Variants in PPARGC1A observed in about 807,000 individuals in gnomAD.
PPARGC1A encodes the protein peroxisome proliferator-activated receptor gamma coactivator 1-alpha.
A neutral mutation model predicts 88.7 loss-of-function variants in PPARGC1A; 25 were observed. The observed-to-expected ratio is 0.28, with a 90% CI of 0.21 to 0.39. The LOEUF (loss-of-function observed/expected upper bound fraction) is 0.39, where lower values mean the gene tolerates loss of function less well. Ranked by LOEUF, PPARGC1A falls within the 10% of genes least tolerant of loss-of-function variation. The pLI is 1.00. For synonymous variants in PPARGC1A, 363 were observed against 355.6 expected, an observed-to-expected ratio of 1.02 and a Z score of -0.24; for missense variants, 880 against 968.7, an observed-to-expected ratio of 0.91 and a Z score of 1.22.
intron 10 of PPARGC1A, among the ~76,000 whole-genome samples, chr4:23,811,157 T>C (rs1476010139): frequency 6.6e-6 from 1 of 152,192 alleles, no homozygotes; most frequent in African/African-American, 2.4e-5. Context: ...TATTTCTCCT[T>C]AAGTGCCTGT....
At chr4:24,004,867 C>T in the PPARGC1A span, among the ~76,000 whole-genome samples, 4 of 152,132 alleles carry the variant, frequency 2.6e-5, no homozygotes, top group East Asian at 7.7e-4. Context: ...AAATGAAAGT[C>T]TTATTGATCA....
At chr4:23,891,757 A>T (rs1246077139), upstream of PPARGC1A, among the ~76,000 whole-genome samples, 2 of 152,210 alleles carry the variant, frequency 1.3e-5, no homozygotes, top group African/African-American at 4.8e-5. Context: ...AAACAGCAGA[A>T]AATTACTGTA....
the PPARGC1A span, among the ~76,000 whole-genome samples, chr4:24,287,314 G>C: frequency 1.3e-5 from 2 of 152,050 alleles, no homozygotes; most frequent in African/African-American, 2.4e-5. Flanking sequence ...ACACTCAAAG[G>C]CATGAATACC....
upstream of PPARGC1A, among the ~76,000 whole-genome samples, chr4:23,902,677 G>A (rs978342167): frequency 6.6e-6 from 1 of 152,136 alleles, no homozygotes; most frequent in Non-Finnish European, 1.5e-5. Context: ...ATATATACAA[G>A]GATGCAGTGT....
chr4:24,068,075 G>T, the PPARGC1A span, among the ~76,000 whole-genome samples: 1 of 152,160 alleles, frequency 6.6e-6, no homozygotes, highest in South Asian at 2.1e-4. Context: ...CTTCCTGAGA[G>T]GCTGGCACTG....
chr4:24,077,176 C>T, the PPARGC1A span, among the ~76,000 whole-genome samples: 1 of 152,100 alleles, frequency 6.6e-6, no homozygotes, highest in Non-Finnish European at 1.5e-5. Flanking sequence ...TCCCCTTTGC[C>T]TTCACTCAAG....
chr4:24,430,420 G>T, the PPARGC1A span, among the ~76,000 whole-genome samples: 1 of 151,722 alleles, frequency 6.6e-6, no homozygotes, highest in African/African-American at 2.4e-5. Flanking sequence ...ACCACGCCCG[G>T]CTAATTTTTT....
chr4:23,913,263 TATATAGAGAGAGAGAGAG>T, the PPARGC1A span, among the ~76,000 whole-genome samples: 751 of 56,034 alleles, frequency 0.013, 11 homozygotes, highest in African/African-American at 0.052. Flanking sequence ...TATATATATA[TATATAGAGAGAGAGAGAG>T]AGAGAGAGAG....
chr4:24,446,038 C>T, the PPARGC1A span, among the ~76,000 whole-genome samples: 2 of 152,150 alleles, frequency 1.3e-5, no homozygotes, highest in South Asian at 2.1e-4. Context: ...TGCACTCCAG[C>T]CTGCACATCA....
At chr4:24,305,165 ATG>A in the PPARGC1A span, among the ~76,000 whole-genome samples, 15 of 148,724 alleles carry the variant, frequency 1.0e-4, no homozygotes, top group South Asian at 8.4e-4. Context: ...ACACATATAT[ATG>A]TGTGTGTGTG....
chr4:24,232,743 C>G, the PPARGC1A span, among the ~76,000 whole-genome samples: 2 of 152,166 alleles, frequency 1.3e-5, no homozygotes, highest in African/African-American at 4.8e-5. Context: ...TTAGAAGATA[C>G]CCACAGGATC....
intron 1 of PPARGC1A, among the ~76,000 whole-genome samples, chr4:23,886,996 A>G (rs2970876): frequency 0.56 from 84,626 of 152,034 alleles, 24,820 homozygotes; most frequent in African/African-American, 0.74. Flanking sequence ...ATGCTAAAGT[A>G]GCATACTGAT....
chr4:24,261,013 G>A, the PPARGC1A span, among the ~76,000 whole-genome samples: 919 of 152,192 alleles, frequency 6.0e-3, 3 homozygotes, highest in Non-Finnish European at 9.1e-3. Flanking sequence ...TAAATAGGAA[G>A]ACATGGGTAT....
chr4:24,093,462 G>T, the PPARGC1A span, among the ~76,000 whole-genome samples: 1 of 152,094 alleles, frequency 6.6e-6, no homozygotes, highest in Admixed American at 6.5e-5. Flanking sequence ...ACAGACACAT[G>T]CAAAACCCTT....
At chr4:24,412,037 G>A in the PPARGC1A span, among the ~76,000 whole-genome samples, 18 of 152,310 alleles carry the variant, frequency 1.2e-4, no homozygotes, top group Admixed American at 2.0e-4. Flanking sequence ...ATCAAGGAGC[G>A]TGATTGCTGG....
chr4:24,470,559 G>T, the PPARGC1A span, among the ~76,000 whole-genome samples: 1 of 152,082 alleles, frequency 6.6e-6, no homozygotes, highest in Non-Finnish European at 1.5e-5. The surrounding 1 kb of genome is among the most constrained non-coding windows in gnomAD (Gnocchi z 5.8). Context: ...TCCAGCGCCG[G>T]CCCGACCACC....
intron 2 of PPARGC1A, among the ~76,000 whole-genome samples, chr4:23,860,142 C>T (rs377102151): frequency 9.2e-5 from 14 of 151,866 alleles, no homozygotes; most frequent in Non-Finnish European, 1.6e-4. Context: ...TGTGGTGGCA[C>T]GCACCTGTAG....
At chr4:24,403,531 C>T in the PPARGC1A span, among the ~76,000 whole-genome samples, 1 of 152,166 alleles carries the variant, frequency 6.6e-6, no homozygotes, top group Non-Finnish European at 1.5e-5. Flanking sequence ...CCACCCAGTG[C>T]GGCACCCTGG....
the PPARGC1A span, among the ~76,000 whole-genome samples, chr4:24,144,882 G>A: frequency 9.9e-5 from 15 of 151,618 alleles, no homozygotes; most frequent in African/African-American, 2.4e-5. Context: ...CTCAGCCAGG[G>A]ACATGTGTGT....
Sources: allele counts gnomAD v4.1 joint callset (sites outside exome capture counted in the v4.1 genomes callset), GRCh38; gene constraint gnomAD v4.1.1; non-coding constraint Gnocchi (gnomAD v3.1); transcripts MANE v1.5; gene names NCBI Gene and HGNC (gene_info 2026-07-23, HGNC 2026-07-21).